The following CNTLN variants were observed in gnomAD, a reference collection of about 807,000 sequenced individuals.
The protein encoded by CNTLN is centlein.
Under a neutral mutation model 180.0 loss-of-function variants are expected in CNTLN, and 212 were observed. The ratio of observed to expected loss-of-function variants is 1.18; its 90% CI spans 1.05 to 1.32. The LOEUF (loss-of-function observed/expected upper bound fraction) is 1.32. Among genes scored for constraint, CNTLN ranks in the 40% most tolerant of loss-of-function variants. CNTLN has a pLI of 0.00. For synonymous variants in CNTLN, 722 were observed against 563.1 expected, an observed-to-expected ratio of 1.28 and a Z score of -3.99; for missense variants, 2,095 against 1,610.9, an observed-to-expected ratio of 1.30 and a Z score of -5.14.
intron 2 of CNTLN, among the ~76,000 whole-genome samples, chr9:17,207,008 A>G (rs1446795903): frequency 6.6e-6 from 1 of 152,012 alleles, no homozygotes; most frequent in Non-Finnish European, 1.5e-5. Flanking sequence ...TGAGTAGTGG[A>G]CTCTGGAGCC....
At chr9:17,177,642 C>T (rs944882534) in intron 2 of CNTLN, among the ~76,000 whole-genome samples, 17 of 151,930 alleles carry the variant, frequency 1.1e-4, no homozygotes, top group Middle Eastern at 3.4e-3. Context: ...CAGACCTTTG[C>T]GGTGAGTGTT....
Position 17,487,082 on chromosome 9 carries a change from G to T in CNTLN, c.4119+16G>T. ...TGAAGGACAGGTATTTCATTTTTCT[G>T]TTTCATATATTAAGCTTCCAAATAA... is the stretch of plus-strand genomic sequence containing the variant. On this transcript the variant is annotated intron_variant, in intron 25 of 25. Transcript: ENST00000380647. 6.5e-7 allele frequency: 1 copy of T among 1,527,488 alleles called. No individual in the cohort carries two copies. Among genetic ancestry groups the T allele is most frequent in the East Asian group, 2.3e-5 (1 of 44,148 alleles). The allele number at this position is 1,527,488 out of a possible 1,614,324, so 94.6% of individuals were successfully genotyped here.
At position 17,135,471 on chromosome 9, in the gene CNTLN, C is replaced by G. The variant is rs1433909409; in HGVS notation, c.360+46C>G. ...CCCCCTTTCCCCACCACAGCGGGGC[C>G]GGGACCCGTGGGGAGGCGCGCCTTT... On this transcript the variant is annotated intron_variant, in intron 1 of 25. Transcript: ENST00000380647. 5 of 1,550,222 alleles carry G rather than the reference C, an allele frequency of 3.2e-6. No individual in the cohort carries two copies. The Admixed American group carries it at 9.9e-5, about 31-fold the overall frequency.
chr9:17,471,408 A>G (rs1334709150), intron 23 of CNTLN, among the ~76,000 whole-genome samples: 1 of 152,084 alleles, frequency 6.6e-6, no homozygotes, highest in African/African-American at 2.4e-5. Flanking sequence ...GCTGGTTACA[A>G]TAAATTATAG....
chr9:17,334,187 G>A (rs1414114572), intron 10 of CNTLN, among the ~76,000 whole-genome samples: 1 of 152,020 alleles, frequency 6.6e-6, no homozygotes, highest in East Asian at 1.9e-4. Flanking sequence ...AGCCCCCCGA[G>A]TAGCTGGGAT....
chr9:17,181,377 A>G (rs1306816762), intron 2 of CNTLN, among the ~76,000 whole-genome samples: 2 of 152,092 alleles, frequency 1.3e-5, no homozygotes, highest in African/African-American at 4.8e-5. Context: ...TTTTCGTTGT[A>G]TCTTCTGTCT....
chr9:17,258,565 G>A (rs1045480897), intron 5 of CNTLN, among the ~76,000 whole-genome samples: 8 of 150,874 alleles, frequency 5.3e-5, no homozygotes, highest in African/African-American at 2.0e-4. Flanking sequence ...AAATTACCTT[G>A]GGCAGTATGG....
At chr9:17,419,377 C>T (rs989552102) in intron 18 of CNTLN, among the ~76,000 whole-genome samples, 2 of 152,062 alleles carry the variant, frequency 1.3e-5, no homozygotes, top group African/African-American at 4.8e-5. Flanking sequence ...AAGTATAAAT[C>T]TTTTGCATTT....
intron 2 of CNTLN, among the ~76,000 whole-genome samples, chr9:17,214,196 TTGTTCC>T: frequency 6.6e-6 from 1 of 152,238 alleles, no homozygotes; most frequent in Non-Finnish European, 1.5e-5. Flanking sequence ...CTGGTACCGG[TTGTTCC>T]TTTCCATGTT....
chr9:17,278,605 T>C (rs1325247712), intron 6 of CNTLN, among the ~76,000 whole-genome samples: 1 of 152,180 alleles, frequency 6.6e-6, no homozygotes, highest in Non-Finnish European at 1.5e-5. Context: ...TGATTTTTCT[T>C]TTACTGCATA....
intron 16 of CNTLN, among the ~76,000 whole-genome samples, chr9:17,413,637 C>T (rs908223701): frequency 1.1e-4 from 17 of 152,010 alleles, no homozygotes; most frequent in Admixed American, 4.6e-4. Context: ...AAAGGATATA[C>T]GGATGGCAAA....
At position 17,345,875 on chromosome 9, in the gene CNTLN, C is replaced by T. The variant is rs542077585; in HGVS notation, c.1886+3431C>T. On this transcript the variant is annotated intron_variant, in intron 12 of 25. Coordinates refer to ENST00000380647, the MANE Select transcript of CNTLN (RefSeq NM_017738.4). The stretch of plus-strand genomic sequence containing the variant: ...TTTATCCTTTCTACTGTCCTCATTG[C>T]TAGTCTTCCAAGTTTCTTCTTTTAT... Among the ~76,000 whole-genome samples the T allele has an allele frequency of 1.2e-3, 190 of 152,242 alleles. 1 individual carries two copies. The highest frequency in any genetic ancestry group is 4.4e-3 in the African/African-American group (184 of 41,548).
intron 8 of CNTLN, among the ~76,000 whole-genome samples, chr9:17,330,090 T>A (rs1820545141): frequency 6.6e-6 from 1 of 152,048 alleles, no homozygotes; most frequent in African/African-American, 2.4e-5. Flanking sequence ...ATTAGCAGTT[T>A]ATCTGAAACA....
intron 13 of CNTLN, among the ~76,000 whole-genome samples, chr9:17,370,319 CAAAT>C (rs1252618982): frequency 2.0e-5 from 3 of 152,056 alleles, no homozygotes; most frequent in Non-Finnish European, 2.9e-5. Context: ...AGAAAAGAAA[CAAAT>C]AACATACAAT....
intron 20 of CNTLN, 110 bp from the exon 21 acceptor site, chr9:17,464,387 C>G (rs908762951): frequency 3.5e-6 from 3 of 849,924 alleles, no homozygotes; most frequent in Non-Finnish European, 5.5e-6. Context: ...GTGTCAATAT[C>G]ACGTAGCATT....
the CNTLN span, among the ~76,000 whole-genome samples, chr9:17,510,071 A>G: frequency 4.6e-5 from 7 of 152,174 alleles, no homozygotes; most frequent in African/African-American, 1.7e-4. Flanking sequence ...GGTATCTCTT[A>G]GTATTACTAT....
Position 17,415,881 on chromosome 9 carries a change from G to A in CNTLN, c.2890G>A (p.Val964Ile). The change falls in exon 17 of 26, where the codon GTC becomes ATC. Residue 964 changes from valine to isoleucine, a missense_variant and splice_region_variant. Val to Ile is a conservative substitution (Grantham distance 29, BLOSUM62 3). Coordinates refer to ENST00000380647, the MANE Select transcript of CNTLN (RefSeq NM_017738.4). ...KSSHTAVPTR[V>I]NREKYKNITA... Reference sequence around the variant, plus strand: ...TTCACATACAGCAGTTCCTACTAGAGGTAAGAATGTATATGCAATTAACAA... The same window carrying A: ...TTCACATACAGCAGTTCCTACTAGAAGTAAGAATGTATATGCAATTAACAA... 1 of 1,604,064 alleles carries A rather than the reference G, an allele frequency of 6.2e-7. No individual in the cohort carries two copies. The highest frequency in any genetic ancestry group is 8.5e-7 in the Non-Finnish European group (1 of 1,174,370).
At chr9:17,186,563 T>G (rs1181415023) in intron 2 of CNTLN, among the ~76,000 whole-genome samples, 1 of 152,198 alleles carries the variant, frequency 6.6e-6, no homozygotes, top group East Asian at 1.9e-4. Flanking sequence ...AGTTTAATAG[T>G]AGGTGCTCAC....
rs1026506872 is a variant in CNTLN, at chr9:17,264,063, C to T, written c.850-9670C>T. Among the ~76,000 whole-genome samples, 5 of 145,178 alleles carry T rather than the reference C, an allele frequency of 3.4e-5. No homozygotes were observed. The East Asian group carries it at 8.4e-4, about 24-fold the overall frequency. ...TTTAGTTTAATTAGATCCCATTTGT[C>T]AATTTTGGCTTTCGTTGCCATTGCT... On this transcript the variant is annotated intron_variant, in intron 5 of 25. Coordinates refer to ENST00000380647, the MANE Select transcript of CNTLN (RefSeq NM_017738.4).
Sources: gnomAD v4.1 joint callset for allele counts (sites outside exome capture counted in the v4.1 genomes callset) on GRCh38, gnomAD v4.1.1 for gene constraint, MANE v1.5 for transcripts, NCBI Gene and HGNC (gene_info 2026-07-23, HGNC 2026-07-21) for gene names.